The following LONP1 variants were observed in gnomAD, a reference collection of about 807,000 sequenced individuals.
LONP1 encodes the protein lon peptidase 1, mitochondrial, also known as lon protease homolog, mitochondrial.
A neutral mutation model predicts 98.5 loss-of-function variants in LONP1; 31 were observed. That is an observed-to-expected ratio of 0.31 (90% confidence interval 0.24 to 0.42). The LOEUF (loss-of-function observed/expected upper bound fraction) is 0.42, where lower values mean the gene tolerates loss of function less well. LONP1 is among the 20% of genes least tolerant of loss of function. The pLI is 1.00. For missense variants in LONP1, 1,336 were observed against 1,350.6 expected (o/e 0.99, Z 0.17); for synonymous variants, 781 against 594.7 (o/e 1.31, Z -4.56).
chr19:5,697,193 G>A lies in LONP1; in HGVS notation c.1686-436C>T, dbSNP rs78616886. On this transcript the variant is annotated intron_variant, in intron 10 of 17. Transcript: ENST00000360614. The stretch of plus-strand genomic sequence containing the variant: ...GCCCCAGCACAGGGGCCCGGCCCGC[G>A]ACAGGGACAGAAGAATCCCAGGCCC... Among the ~76,000 whole-genome samples, 555 of 152,212 alleles carry A rather than the reference G, an allele frequency of 3.6e-3. 11 individuals are homozygous for A. Among genetic ancestry groups the A allele is most frequent in the East Asian group, 0.032 (167 of 5,164 alleles).
At chr19:5,704,553 G>A (rs191407090) in intron 8 of LONP1, among the ~76,000 whole-genome samples, 1 of 152,340 alleles carries the variant, frequency 6.6e-6, no homozygotes, top group Admixed American at 6.5e-5. Context: ...CCCTGCCCCG[G>A]GGACTTCTGC....
intron 13 of LONP1, 114 bp from the exon 14 acceptor site, chr19:5,695,015 G>T: frequency 8.0e-7 from 1 of 1,257,348 alleles, no homozygotes; most frequent in South Asian, 1.6e-5. Context: ...TGGGAACGAG[G>T]TCCCTGATGG....
chr19:5,707,027 C>A, intron 7 of LONP1, 33 bp downstream of exon 7: 1 of 1,586,280 alleles, frequency 6.3e-7, no homozygotes, highest in South Asian at 1.1e-5. Context: ...GGGAAGGCCC[C>A]CAAGAGTGGC....
Position 5,720,095 on chromosome 19 carries a change from G to T in LONP1, c.38C>A (p.Ala13Glu). 1 of 1,469,058 alleles carries T rather than the reference G, an allele frequency of 6.8e-7. No homozygotes were observed. The highest frequency in any genetic ancestry group is 8.9e-7 in the Non-Finnish European group (1 of 1,119,702). 91.0% of individuals were successfully genotyped at this position (1,469,058 alleles called of 1,614,324 possible). The stretch of plus-strand genomic sequence containing the variant: ...CCGCCGCAGCACCCAGCACCGCGCC[G>T]CTCCCCACAGTCGCACGTAGCCAGT... ...ASTGYVRLWGAARCWVLRRPM... is the reference protein window; with the variant it reads ...ASTGYVRLWGEARCWVLRRPM... The change falls in exon 1 of 18, where the codon GCG (alanine) becomes GAG (glutamate). Residue 13 changes from alanine to glutamate, a missense_variant. By Grantham distance (107) the Ala-to-Glu change is moderately radical. Coordinates refer to ENST00000360614, the MANE Select transcript of LONP1 (RefSeq NM_004793.4).
intron 2 of LONP1, 53 bp downstream of exon 2, chr19:5,714,130 A>T: frequency 7.2e-7 from 1 of 1,393,468 alleles, no homozygotes; most frequent in Non-Finnish European, 1.0e-6. Flanking sequence ...ACTTGTGGTG[A>T]GCTGGACTCT....
In LONP1 at chr19:5,699,213, C is replaced by A; in HGVS notation, c.1507-8G>T. 1 of 1,492,514 alleles carries A rather than the reference C, an allele frequency of 6.7e-7. No homozygotes were observed. Among genetic ancestry groups the A allele is most frequent in the South Asian group, 1.3e-5 (1 of 74,192 alleles). 92.5% of individuals were successfully genotyped at this position (1,492,514 alleles called of 1,614,324 possible). On this transcript the variant is annotated splice_polypyrimidine_tract_variant and splice_region_variant and intron_variant, in intron 9 of 17. Transcript: ENST00000360614. ...GCTAACGGCAATGAACTCCTGCAGACAGAGGCAGGTTCAGTGGGCACGTGA... is the reference window on the plus strand; with the variant it reads ...GCTAACGGCAATGAACTCCTGCAGAAAGAGGCAGGTTCAGTGGGCACGTGA...
rs35974682 is a variant in LONP1 at position 5,696,360 on chromosome 19, G to C, written c.1785C>G (p.Ile595Met). Residue 595 changes from isoleucine to methionine, a missense_variant, in exon 12 of 18, where the codon ATC becomes ATG. By Grantham distance (10) the Ile-to-Met change is conservative. Coordinates refer to ENST00000360614, the MANE Select transcript of LONP1 (RefSeq NM_004793.4). ...PLILIDEVDK[I>M]GRGYQGDPSS... ...ACGGGTCCCCCTGGTAGCCTCGGCC[G>C]ATCTTGTCCACCTGGGGCAGCAGAC... is the stretch of plus-strand genomic sequence containing the variant. The C allele has an allele frequency of 1.2e-6, 2 of 1,612,924 alleles. No homozygotes were observed. Among genetic ancestry groups the C allele is most frequent in the East Asian group, 2.2e-5 (1 of 44,860 alleles).
rs1281631842 is a variant in LONP1, at chr19:5,705,915, G to A, written c.1224C>T (p.Gly408=). The A allele has an allele frequency of 2.5e-5, 40 of 1,613,958 alleles. 1 individual carries two copies. The highest frequency in any genetic ancestry group is 2.2e-4 in the Admixed American group (13 of 60,006). The change falls in exon 8 of 18, where the codon GGC becomes GGT. Residue 408 remains glycine (G), a synonymous_variant. Transcript: ENST00000360614. ...EQLKIIKKEL[G]LEKDDKDAIE... Reference sequence around the variant, plus strand: ...TGGCATCCTTGTCGTCCTTCTCCAGGCCCAGCTCCTTCTTGATGATCTTTA... The same window carrying A: ...TGGCATCCTTGTCGTCCTTCTCCAGACCCAGCTCCTTCTTGATGATCTTTA...
At chr19:5,692,960 A>G (rs2054855901) in intron 17 of LONP1, among the ~76,000 whole-genome samples, 1 of 152,070 alleles carries the variant, frequency 6.6e-6, no homozygotes, top group Non-Finnish European at 1.5e-5. Context: ...GCCCCTGGCC[A>G]GGGGCTCCAA....
intron 17 of LONP1, among the ~76,000 whole-genome samples, chr19:5,693,064 C>T (rs567540489): frequency 6.6e-6 from 1 of 152,198 alleles, no homozygotes; most frequent in Non-Finnish European, 1.5e-5. Context: ...GAGCCACCCC[C>T]CCAATCCTAC....
Position 5,713,258 on chromosome 19 carries a change from G to C in LONP1, c.519-5C>G. ...TCGACCACATCCGACTCATTGCTGT[G>C]GGAGAAGAGCACAGAGGAATGTTGG... is the stretch of plus-strand genomic sequence containing the variant. On this transcript the variant is annotated splice_polypyrimidine_tract_variant and splice_region_variant and intron_variant, in intron 2 of 17. Transcript: ENST00000360614. 1 of 1,614,052 alleles carries C rather than the reference G, an allele frequency of 6.2e-7. No individual in the cohort carries two copies.
intron 9 of LONP1, 26 bp from the exon 10 acceptor site, chr19:5,699,231 G>A (rs2145592653): frequency 6.8e-7 from 1 of 1,470,846 alleles, no homozygotes. Context: ...GGTTCAGTGG[G>A]CACGTGAGCT....
At chr19:5,704,987 C>G (rs1486705331) in intron 8 of LONP1, among the ~76,000 whole-genome samples, 2 of 152,040 alleles carry the variant, frequency 1.3e-5, no homozygotes, top group African/African-American at 4.8e-5. Context: ...ATGGCAAAAC[C>G]CCATCTCTAC....
In LONP1 at chr19:5,720,039, G is replaced by A. The variant is rs1225214798; in HGVS notation, c.94C>T (p.Pro32Ser). ...PMLAAAGGRV[P>S]TAAGAWLLRG... is the part of the protein sequence containing the mutation. ...AGCAACCACGCTCCTGCTGCAGTGG[G>A]AACCCGCCCCCCGGCGGCGGCCAGC... Residue 32 changes from proline to serine, a missense_variant, in exon 1 of 18, where the codon CCC becomes TCC. Coordinates refer to ENST00000360614, the MANE Select transcript of LONP1 (RefSeq NM_004793.4). 6.4e-7 allele frequency: 1 copy of A among 1,550,738 alleles called. No homozygotes were observed.
At chr19:5,701,311 C>A (rs2055038030) in intron 8 of LONP1, among the ~76,000 whole-genome samples, 1 of 152,218 alleles carries the variant, frequency 6.6e-6, no homozygotes, top group Non-Finnish European at 1.5e-5. Flanking sequence ...CTGCCTCTGC[C>A]TCTGCCCTCT....
chr19:5,694,968 G>T (rs1463135303), intron 13 of LONP1, 67 bp from the exon 14 acceptor site: 16 of 1,533,902 alleles, frequency 1.0e-5, no homozygotes, highest in Non-Finnish European at 1.3e-5. Flanking sequence ...TAGAACCTGG[G>T]AGCCAATGCC....
intron 8 of LONP1, 36 bp downstream of exon 8, chr19:5,705,736 A>T (rs1187070712): frequency 6.3e-7 from 1 of 1,595,100 alleles, no homozygotes; most frequent in African/African-American, 1.3e-5. Flanking sequence ...AGGAGGGGTC[A>T]CCTGAGGGCT....
At chr19:5,698,158 G>C (rs966421757) in intron 10 of LONP1, among the ~76,000 whole-genome samples, 2 of 150,460 alleles carry the variant, frequency 1.3e-5, no homozygotes, top group African/African-American at 4.9e-5. Flanking sequence ...CGGCTGGTCA[G>C]AGTGGCCGCC....
At chr19:5,706,926 A>C (rs1375451704) in intron 7 of LONP1, 134 bp downstream of exon 7, 18 of 702,458 alleles carry the variant, frequency 2.6e-5, no homozygotes, top group Non-Finnish European at 4.4e-5. Context: ...CGAAGCCCTC[A>C]AAACCCAGAC....
Sources: gnomAD v4.1 joint callset for allele counts (sites outside exome capture counted in the v4.1 genomes callset) on GRCh38, gnomAD v4.1.1 for gene constraint, MANE v1.5 for transcripts, NCBI Gene and HGNC (gene_info 2026-07-23, HGNC 2026-07-21) for gene names.